KIAA1671: variants seen among roughly 807,000 people sequenced by gnomAD.
KIAA1671 encodes uncharacterized protein KIAA1671.
KIAA1671 carries 52 observed loss-of-function variants against 131.2 expected under a neutral mutation model. That is an observed-to-expected ratio of 0.40 (90% CI 0.32 to 0.50). The LOEUF is 0.50. Among genes scored for constraint, KIAA1671 ranks in the 20% least tolerant of loss-of-function variants. The pLI is 0.73. For missense variants in KIAA1671, 2,360 were observed against 2,364.2 expected, an observed-to-expected ratio of 1.00 and a Z score of 0.04; for synonymous variants, 1,003 against 961.6, an observed-to-expected ratio of 1.04 and a Z score of -0.80.
chr22:25,085,211 C>T (rs762202007), intron 6 of KIAA1671, among the ~76,000 whole-genome samples: 5 of 152,198 alleles, frequency 3.3e-5, no homozygotes, highest in South Asian at 2.1e-4. Flanking sequence ...TTCATGTGGA[C>T]GCTTTTCTCA....
intron 1 of KIAA1671, among the ~76,000 whole-genome samples, chr22:24,957,693 T>C (rs1477928197): frequency 6.7e-6 from 1 of 149,034 alleles, no homozygotes; most frequent in Non-Finnish European, 1.5e-5. Flanking sequence ...TTTTTTTTTT[T>C]TGAGACGGAG....
chr22:25,099,077 G>C (rs1428683819), intron 6 of KIAA1671, among the ~76,000 whole-genome samples: 1 of 152,210 alleles, frequency 6.6e-6, no homozygotes, highest in African/African-American at 2.4e-5. Context: ...GCCTTGCCCA[G>C]AGAGTGGAAG....
chr22:25,135,403 G>A (rs1158866386), intron 6 of KIAA1671, among the ~76,000 whole-genome samples: 1 of 152,158 alleles, frequency 6.6e-6, no homozygotes, highest in African/African-American at 2.4e-5. Context: ...AGCCAGGATG[G>A]TCTCGATCTC....
chr22:25,003,024 C>G (rs561762665), intron 1 of KIAA1671, among the ~76,000 whole-genome samples: 1 of 152,288 alleles, frequency 6.6e-6, no homozygotes, highest in East Asian at 1.9e-4. Flanking sequence ...CCATCCGCCT[C>G]GGCCTCCCAA....
intron 1 of KIAA1671, among the ~76,000 whole-genome samples, chr22:25,016,113 C>T (rs1411480223): frequency 6.0e-5 from 9 of 151,056 alleles, no homozygotes; most frequent in South Asian, 2.1e-4. Context: ...CACCACCTCC[C>T]GGGCTCAAGC....
At chr22:25,100,274 G>A (rs990300790) in intron 6 of KIAA1671, among the ~76,000 whole-genome samples, 5 of 152,202 alleles carry the variant, frequency 3.3e-5, no homozygotes, top group African/African-American at 7.2e-5. Context: ...TTGAGTTTTC[G>A]TCAGAACTGA....
intron 3 of KIAA1671, among the ~76,000 whole-genome samples, chr22:25,031,244 G>A (rs967855875): frequency 1.4e-5 from 2 of 143,778 alleles, no homozygotes; most frequent in African/African-American, 5.3e-5. Context: ...TGCCGCTGAG[G>A]CCAGAGCAGT....
At chr22:25,183,432 C>CCCTCCCTT (rs1934358969) in intron 10 of KIAA1671, among the ~76,000 whole-genome samples, 1 of 56,718 alleles carries the variant, frequency 1.8e-5, no homozygotes, top group African/African-American at 5.4e-5. Flanking sequence ...TTCTTTCCCT[C>CCCTCCCTT]CCTCCCTCCC....
chr22:25,183,578 G>C (rs561427903), intron 10 of KIAA1671, among the ~76,000 whole-genome samples: 34 of 150,988 alleles, frequency 2.3e-4, no homozygotes, highest in Non-Finnish European at 4.6e-4. Flanking sequence ...ACCCAGGCTA[G>C]AGTGCAGTGG....
At chr22:25,179,486 G>C in intron 9 of KIAA1671, 1 of 1,612,532 alleles carries the variant, frequency 6.2e-7, no homozygotes. Flanking sequence ...CTCCTCCAGC[G>C]CCTTGTGCAG....
intron 6 of KIAA1671, among the ~76,000 whole-genome samples, chr22:25,142,206 C>T (rs1010684727): frequency 1.3e-5 from 2 of 152,178 alleles, no homozygotes; most frequent in Non-Finnish European, 2.9e-5. Flanking sequence ...GCGGCAGCCT[C>T]TGGTTGCCTA....
chr22:25,015,244 A>G (rs1034148261), intron 1 of KIAA1671, among the ~76,000 whole-genome samples: 159 of 151,796 alleles, frequency 1.0e-3, no homozygotes, highest in African/African-American at 3.8e-3. Context: ...AAAAAAAAAA[A>G]AAAAGGCAGC....
At chr22:24,996,196 A>G (rs563964666) in intron 1 of KIAA1671, among the ~76,000 whole-genome samples, 95 of 151,794 alleles carry the variant, frequency 6.3e-4, no homozygotes, top group Middle Eastern at 3.4e-3. Flanking sequence ...AGAGCTGGTG[A>G]TAGAGCAGGG....
At chr22:24,989,198 G>C (rs945589746) in intron 1 of KIAA1671, among the ~76,000 whole-genome samples, 3 of 152,100 alleles carry the variant, frequency 2.0e-5, no homozygotes, top group East Asian at 3.9e-4. Context: ...CCTTCTCTTG[G>C]TCCCCACTGT....
intron 6 of KIAA1671, among the ~76,000 whole-genome samples, chr22:25,105,984 G>A (rs541237384): frequency 6.6e-6 from 1 of 152,314 alleles, no homozygotes; most frequent in Admixed American, 6.5e-5. Flanking sequence ...GTGTAATACA[G>A]TGATGCAATG....
chr22:25,000,468 C>A (rs1384477984), intron 1 of KIAA1671, among the ~76,000 whole-genome samples: 1 of 87,474 alleles, frequency 1.1e-5, no homozygotes, highest in African/African-American at 3.9e-5. Flanking sequence ...GCTGGGATTA[C>A]AGGCGTGAGC....
intron 6 of KIAA1671, among the ~76,000 whole-genome samples, chr22:25,123,162 G>GAAT (rs137920016): frequency 0.072 from 10,581 of 146,192 alleles, 1,263 homozygotes; most frequent in African/African-American, 0.25. Context: ...GTGACCAACA[G>GAAT]AATACATGGC....
intron 6 of KIAA1671, among the ~76,000 whole-genome samples, chr22:25,104,479 A>G (rs1309792206): frequency 6.6e-6 from 1 of 152,214 alleles, no homozygotes; most frequent in Non-Finnish European, 1.5e-5. Flanking sequence ...CCACATGTCC[A>G]GAACTCCGAG....
chr22:25,174,663 C>G (rs1933964809), intron 8 of KIAA1671, 174 bp downstream of exon 8: 1 of 671,660 alleles, frequency 1.5e-6, no homozygotes, highest in African/African-American at 1.8e-5. Flanking sequence ...CATACACCTG[C>G]TGTGTGTCTT....
Sources: allele counts gnomAD v4.1 joint callset (sites outside exome capture counted in the v4.1 genomes callset), GRCh38; gene constraint gnomAD v4.1.1; transcripts MANE v1.5; gene names NCBI Gene and HGNC (gene_info 2026-07-23, HGNC 2026-07-21).